Variants in DLG2 observed in about 807,000 individuals in gnomAD.
DLG2 encodes discs large MAGUK scaffold protein 2, also known as disks large homolog 2.
In DLG2, 45 loss-of-function variants were observed where a neutral mutation model predicts 132.5. The ratio of observed to expected loss-of-function variants is 0.34; its 90% confidence interval spans 0.27 to 0.44. DLG2 has a LOEUF of 0.44. Among genes scored for constraint, DLG2 ranks in the 20% least tolerant of loss-of-function variants. The pLI is 1.00. For missense variants in DLG2, 1,045 were observed against 1,196.9 expected, an observed-to-expected ratio of 0.87 and a Z score of 1.87; for synonymous variants, 424 against 419.6, an observed-to-expected ratio of 1.01 and a Z score of -0.13.
At chr11:85,403,489 T>C (rs1412250151) in intron 3 of DLG2, among the ~76,000 whole-genome samples, 1 of 150,968 alleles carries the variant, frequency 6.6e-6, no homozygotes, top group Non-Finnish European at 1.5e-5. Context: ...TAAAGTATAA[T>C]AAAAAAAATT....
chr11:84,978,005 T>G (rs890712336), intron 6 of DLG2, among the ~76,000 whole-genome samples: 1 of 152,192 alleles, frequency 6.6e-6, no homozygotes, highest in Non-Finnish European at 1.5e-5. Context: ...TTTATCTGTA[T>G]TCTTTTTATT....
chr11:84,107,578 G>A (rs565151776), intron 9 of DLG2, among the ~76,000 whole-genome samples: 68 of 152,040 alleles, frequency 4.5e-4, no homozygotes, highest in African/African-American at 1.5e-3. Flanking sequence ...TACAACATGT[G>A]TAACATTAGA....
chr11:85,450,321 A>G lies in DLG2; in HGVS notation c.40+148336T>C, dbSNP rs118085149. ...TTTTTTCACCTCTACCCTCATATTA[A>G]TCATAGAGTTAATTTCTGGCTTTAT... On this transcript the variant is annotated intron_variant, in intron 3 of 27. Coordinates refer to ENST00000376104, the MANE Select transcript of DLG2 (RefSeq NM_001142699.3). Among the ~76,000 whole-genome samples the G allele has an allele frequency of 6.4e-4, 97 of 152,208 alleles. 1 individual carries two copies. In the East Asian group the frequency reaches 0.017, roughly 27 times the overall value.
In DLG2 at chr11:83,801,109, A is replaced by C. The variant is rs977987857; in HGVS notation, c.1723-14317T>G. Among the ~76,000 whole-genome samples the C allele has an allele frequency of 2.0e-5, 3 of 152,116 alleles. No individual in the cohort carries two copies. The Middle Eastern group carries it at 0.01, about 517-fold the overall frequency. ...AGTACTACCACCATTCTCCTCTCAA[A>C]CCACTGAATCAAGAACCTCCATTCA... On this transcript the variant is annotated intron_variant, in intron 17 of 27. Coordinates refer to ENST00000376104, the MANE Select transcript of DLG2 (RefSeq NM_001142699.3).
Position 85,254,916 on chromosome 11 carries a change from G to A in DLG2, c.186+30304C>T, listed in dbSNP as rs181128447. ...CAGGAGGCTGAGGCAGTAGAATGGC[G>A]TGAACCCAGGAGGCGGAGCTTATAG... On this transcript the variant is annotated intron_variant, in intron 4 of 27. Transcript: ENST00000376104. Among the ~76,000 whole-genome samples the A allele has an allele frequency of 3.1e-3, 476 of 151,536 alleles. 5 individuals are homozygous for A. The highest frequency in any genetic ancestry group is 8.8e-3 in the African/African-American group (365 of 41,314).
chr11:84,485,557 C>T (rs962974362), intron 7 of DLG2, among the ~76,000 whole-genome samples: 1 of 152,136 alleles, frequency 6.6e-6, no homozygotes, highest in Non-Finnish European at 1.5e-5. Flanking sequence ...TGCTTTAAGA[C>T]AGATATGGCA....
At chr11:83,800,646 T>C (rs994136297) in intron 17 of DLG2, among the ~76,000 whole-genome samples, 1 of 147,634 alleles carries the variant, frequency 6.8e-6, no homozygotes, top group South Asian at 2.2e-4. Context: ...GGATTCCTGA[T>C]GCAAAAACAG....
chr11:83,740,260 C>G (rs2092397586), intron 18 of DLG2, among the ~76,000 whole-genome samples: 1 of 151,998 alleles, frequency 6.6e-6, no homozygotes, highest in Admixed American at 6.6e-5. Flanking sequence ...CCTAAATGTC[C>G]ATTAACAATA....
intron 3 of DLG2, among the ~76,000 whole-genome samples, chr11:85,341,970 T>C (rs1596368417): frequency 1.3e-5 from 2 of 152,122 alleles, no homozygotes; most frequent in Admixed American, 6.5e-5. Flanking sequence ...AAATGAGATA[T>C]CTGTATAAGG....
At chr11:84,059,185 G>C (rs552710556) in intron 11 of DLG2, 130 bp downstream of exon 11, 1 of 837,930 alleles carries the variant, frequency 1.2e-6, no homozygotes. Context: ...AACCACTACT[G>C]TAGGATTTTA....
At chr11:83,951,210 A>G (rs1349115594) in intron 14 of DLG2, among the ~76,000 whole-genome samples, 1 of 152,158 alleles carries the variant, frequency 6.6e-6, no homozygotes, top group African/African-American at 2.4e-5. Flanking sequence ...TCTGATAGCA[A>G]TATCAAGAGT....
chr11:85,222,113 G>A lies in DLG2; in HGVS notation c.186+63107C>T, dbSNP rs142192226. Among the ~76,000 whole-genome samples, 258 of 151,654 alleles carry A rather than the reference G, an allele frequency of 1.7e-3. 1 individual carries two copies. The highest frequency in any genetic ancestry group is 6.1e-3 in the African/African-American group (253 of 41,332). Reference sequence around the variant, plus strand: ...TCCACCACACCGAGCTAACATTTCGGTTTTTTGTTTGTTTGTTTGTTTGTT... The same window carrying A: ...TCCACCACACCGAGCTAACATTTCGATTTTTTGTTTGTTTGTTTGTTTGTT... On this transcript the variant is annotated intron_variant, in intron 4 of 27. Coordinates refer to ENST00000376104, the MANE Select transcript of DLG2 (RefSeq NM_001142699.3).
chr11:85,584,339 GGTGTGTGTGTGTGT>G lies in DLG2; in HGVS notation c.40+14304_40+14317del, dbSNP rs61334060. 9.6e-3 allele frequency among the ~76,000 whole-genome samples: 1,393 copies of G among 145,060 alleles called. 18 individuals carry two copies. Among genetic ancestry groups the G allele is most frequent in the African/African-American group, 0.028 (1,113 of 39,238 alleles). On this transcript the variant is annotated intron_variant, in intron 3 of 27. Coordinates refer to ENST00000376104, the MANE Select transcript of DLG2 (RefSeq NM_001142699.3). ...CTTTTATGGCTGAGTAGTATTCCAT[GGTGTGTGTGTGTGT>G]GTGTGTGTGTGTGTGTGTGTGTGTG...
In DLG2 at chr11:84,044,945, T is replaced by C. The variant is rs571578249; in HGVS notation, c.919+14370A>G. On this transcript the variant is annotated intron_variant, in intron 11 of 27. Coordinates refer to ENST00000376104, the MANE Select transcript of DLG2 (RefSeq NM_001142699.3). ...TTTCCTTCTTTTAGTCACAGGTTTT[T>C]AAGTGTATTGCATTAAGTTGTGCTC... is the stretch of plus-strand genomic sequence containing the variant. Among the ~76,000 whole-genome samples, 4 of 151,856 alleles carry C rather than the reference T, an allele frequency of 2.6e-5. No individual in the cohort carries two copies. The East Asian group carries it at 7.8e-4, about 30-fold the overall frequency.
intron 4 of DLG2, among the ~76,000 whole-genome samples, chr11:85,195,244 T>G (rs1182082288): frequency 6.6e-6 from 1 of 152,090 alleles, no homozygotes; most frequent in African/African-American, 2.4e-5. Flanking sequence ...AAGAGGACAT[T>G]TTAGTGCACT....
chr11:85,099,133 T>C (rs2070426047), intron 6 of DLG2, among the ~76,000 whole-genome samples: 2 of 152,210 alleles, frequency 1.3e-5, no homozygotes, highest in African/African-American at 4.8e-5. Flanking sequence ...TGTCCAAACA[T>C]TTTGTACAAA....
chr11:84,317,517 T>C (rs898162241), intron 7 of DLG2, among the ~76,000 whole-genome samples: 1 of 152,238 alleles, frequency 6.6e-6, no homozygotes, highest in African/African-American at 2.4e-5. Context: ...TGTTTGGCAT[T>C]CCGGCTTTTC....
intron 7 of DLG2, among the ~76,000 whole-genome samples, chr11:84,353,970 A>G (rs1188849645): frequency 1.3e-5 from 2 of 152,132 alleles, no homozygotes; most frequent in African/African-American, 2.4e-5. Flanking sequence ...CCTCCATAGC[A>G]CTTATCAAAA....
chr11:84,949,758 T>C (rs2050688381), intron 6 of DLG2, among the ~76,000 whole-genome samples: 1 of 152,184 alleles, frequency 6.6e-6, no homozygotes, highest in Non-Finnish European at 1.5e-5. Flanking sequence ...ACATTTCATA[T>C]TGCTCAAACA....
Sources: allele counts gnomAD v4.1 joint callset (sites outside exome capture counted in the v4.1 genomes callset), GRCh38; gene constraint gnomAD v4.1.1; transcripts MANE v1.5; gene names NCBI Gene and HGNC (gene_info 2026-07-23, HGNC 2026-07-21).